The following MBD1 variants were observed in gnomAD, a reference collection of about 807,000 sequenced individuals.
MBD1 encodes the protein methyl-CpG-binding domain protein 1.
A neutral mutation model predicts 82.6 loss-of-function variants in MBD1; 25 were observed. The ratio of observed to expected loss-of-function variants is 0.30; its 90% CI spans 0.22 to 0.42. The LOEUF is 0.42. Ranked by LOEUF, MBD1 falls within the 10% of genes least tolerant of loss-of-function variation. The probability of loss-of-function intolerance (pLI) is 1.00; values close to 1 mark genes in which losing one functional copy is unlikely to be tolerated. For missense variants in MBD1, 627 were observed against 819.6 expected, an observed-to-expected ratio of 0.76 and a Z score of 2.87; for synonymous variants, 301 against 303.7, an observed-to-expected ratio of 0.99 and a Z score of 0.09.
rs1399914407 is a variant in MBD1, at chr18:50,269,698, G to A, written c.*153C>T. The A allele has an allele frequency of 5.1e-6, 4 of 779,828 alleles. No homozygotes were observed. Among genetic ancestry groups the A allele is most frequent in the Non-Finnish European group, 9.6e-6 (4 of 417,564 alleles). The allele number at this position is 779,828 out of a possible 1,614,324, so 48.3% of individuals were successfully genotyped here. On this transcript the variant is annotated 3_prime_UTR_variant, in exon 17 of 17. Transcript: ENST00000269468. Reference sequence around the variant, plus strand: ...ACATCATCGAAGCTGGAGGTGGTGAGAGACTGACATGGGTTCCAGGCCATC... The same window carrying A: ...ACATCATCGAAGCTGGAGGTGGTGAAAGACTGACATGGGTTCCAGGCCATC...
At chr18:50,271,636 TC>T in intron 15 of MBD1, 96 bp from the exon 16 acceptor site, 1 of 1,268,856 alleles carries the variant, frequency 7.9e-7, no homozygotes, top group Non-Finnish European at 1.2e-6. Context: ...GTGTCCTCCA[TC>T]CACTTCCCCT....
chr18:50,279,933 G>C lies in MBD1; in HGVS notation c.60C>G (p.Val20=). 2 of 1,613,666 alleles carry C rather than the reference G, an allele frequency of 1.2e-6. No homozygotes were observed. Among genetic ancestry groups the C allele is most frequent in the Non-Finnish European group, 1.7e-6 (2 of 1,180,024 alleles). Residue 20 remains valine (V), a synonymous_variant, in exon 2 of 17, where the codon GTC becomes GTG. Transcript: ENST00000269468. ...ALGPGWKRRE[V]FRKSGATCGR... is the part of the protein sequence containing the mutation. ...CACAGGTGGCCCCTGACTTGCGAAA[G>C]ACTTCGCGGCGCTTCCAGCCAGGGC...
chr18:50,273,154 C>A lies in MBD1; in HGVS notation c.1584+180G>T. 2 of 1,212,182 alleles carry A rather than the reference C, an allele frequency of 1.6e-6. 1 individual carries two copies. Among genetic ancestry groups the A allele is most frequent in the Middle Eastern group, 5.3e-4 (2 of 3,748 alleles). 75.1% of individuals were successfully genotyped at this position (1,212,182 alleles called of 1,614,324 possible). ...TTTTTCTGTTAGCTGGATAGCAAAG[C>A]GGGCAAAGCTAGTTGCCTGTGGGAG... On this transcript the variant is annotated intron_variant, in intron 13 of 16. Transcript: ENST00000269468.
chr18:50,273,925 C>T (rs2036683484), intron 11 of MBD1, 62 bp from the exon 12 acceptor site: 1 of 1,586,102 alleles, frequency 6.3e-7, no homozygotes, highest in Non-Finnish European at 8.6e-7. Flanking sequence ...TCCACCCTGC[C>T]CGGCTCCACA....
intron 16 of MBD1, chr18:50,270,628 G>T (rs1412489813): frequency 3.2e-6 from 1 of 311,866 alleles, no homozygotes; most frequent in Non-Finnish European, 6.4e-6. Flanking sequence ...GATATATCCT[G>T]TAGGGTTTGA....
In MBD1 at chr18:50,276,001, C is replaced by T. The variant is rs757094387; in HGVS notation, c.517-20G>A. ...CACACGCTGCCAGGAATGGTAGGGACGAGATCACGGGCCTGCTCCAGAAGC... is the reference window on the plus strand; with the variant it reads ...CACACGCTGCCAGGAATGGTAGGGATGAGATCACGGGCCTGCTCCAGAAGC... On this transcript the variant is annotated intron_variant, in intron 6 of 16. Coordinates refer to ENST00000269468, the MANE Select transcript of MBD1 (RefSeq NM_015846.4). 8 of 1,607,742 alleles carry T rather than the reference C, an allele frequency of 5.0e-6. No individual in the cohort carries two copies. Among genetic ancestry groups the T allele is most frequent in the African/African-American group, 1.3e-5 (1 of 74,856 alleles).
At chr18:50,280,300 A>G (rs1003320523) in intron 1 of MBD1, among the ~76,000 whole-genome samples, 3 of 151,322 alleles carry the variant, frequency 2.0e-5, no homozygotes, top group Non-Finnish European at 4.4e-5. Context: ...ACAACCCATC[A>G]TTTCTCCTCA....
At position 50,273,703 on chromosome 18, in the gene MBD1, T is replaced by C; in HGVS notation, c.1307A>G (p.Gln436Arg). The C allele has an allele frequency of 1.2e-6, 2 of 1,614,152 alleles. No individual in the cohort carries two copies. Among genetic ancestry groups the C allele is most frequent in the Non-Finnish European group, 1.7e-6 (2 of 1,180,036 alleles). Residue 436 changes from glutamine to arginine, a missense_variant, in exon 12 of 17, where the codon CAG (glutamine) becomes CGG (arginine). By Grantham distance (43) the Gln-to-Arg change is conservative. Coordinates refer to ENST00000269468, the MANE Select transcript of MBD1 (RefSeq NM_015846.4). ...ATRTAQPDHTQAPTKQEAGGG... is the reference protein window; with the variant it reads ...ATRTAQPDHTRAPTKQEAGGG... ...ACCTGCTTCCTGCTTCGTTGGAGCC[T>C]GGGTATGGTCTGGTTGGGCTGTGCG...
intron 2 of MBD1, 119 bp from the exon 3 acceptor site, chr18:50,277,323 GC>G (rs2148360756): frequency 1.7e-6 from 1 of 604,754 alleles, no homozygotes; most frequent in Non-Finnish European, 2.8e-6. Context: ...TGTGAGCCCT[GC>G]CCAGCCCCCA....
At chr18:50,268,395 G>A (rs557025102), downstream of MBD1, among the ~76,000 whole-genome samples, 179 of 152,338 alleles carry the variant, frequency 1.2e-3, no homozygotes, top group African/African-American at 4.1e-3. Context: ...CCTCACCCTG[G>A]GCGAGCTCCG....
downstream of MBD1, among the ~76,000 whole-genome samples, chr18:50,268,362 C>A (rs1351471257): frequency 6.6e-6 from 1 of 152,274 alleles, no homozygotes; most frequent in Non-Finnish European, 1.5e-5. Flanking sequence ...CGCACTCGAA[C>A]GTCCTAGGTC....
rs776480862 is a variant in MBD1 at position 50,272,805 on chromosome 18, G to C, written c.1716+19C>G. 3 of 1,614,078 alleles carry C rather than the reference G, an allele frequency of 1.9e-6. No homozygotes were observed. The highest frequency in any genetic ancestry group is 2.2e-5 in the East Asian group (1 of 44,898). On this transcript the variant is annotated intron_variant, in intron 14 of 16. Transcript: ENST00000269468. ...GCTACAGCAGGGTCAGGGCAGGGTGGGGCATCCCCAGCACTGACCACGGGT... is the reference window on the plus strand; with the variant it reads ...GCTACAGCAGGGTCAGGGCAGGGTGCGGCATCCCCAGCACTGACCACGGGT...
At chr18:50,270,081 G>GAAC in intron 16 of MBD1, 4 of 1,598,046 alleles carry the variant, frequency 2.5e-6, no homozygotes, top group Non-Finnish European at 3.4e-6. Flanking sequence ...TTGGGTGGTT[G>GAAC]GTTCCTGGGG....
intron 15 of MBD1, 45 bp from the exon 16 acceptor site, chr18:50,271,585 T>C (rs2035555330): frequency 6.2e-7 from 1 of 1,609,470 alleles, no homozygotes; most frequent in Non-Finnish European, 8.5e-7. Context: ...AGGTTTGCTA[T>C]GTGCGCAATG....
At chr18:50,281,535 T>C (rs111396870), upstream of MBD1, 6 of 576,012 alleles carry the variant, frequency 1.0e-5, no homozygotes, top group Non-Finnish European at 1.8e-5. Context: ...GAACCGGAAG[T>C]CCGCTGCCTG....
intron 2 of MBD1, among the ~76,000 whole-genome samples, chr18:50,277,967 C>T (rs1462583460): frequency 6.6e-6 from 1 of 152,188 alleles, no homozygotes; most frequent in African/African-American, 2.4e-5. Context: ...AATAGTAATA[C>T]AGTAATTCCC....
At chr18:50,279,042 G>A (rs1011415327) in intron 2 of MBD1, among the ~76,000 whole-genome samples, 1 of 152,070 alleles carries the variant, frequency 6.6e-6, no homozygotes, top group Non-Finnish European at 1.5e-5. Flanking sequence ...AAAATTCTTC[G>A]GAAGACTCCT....
intron 15 of MBD1, 25 bp downstream of exon 15, chr18:50,272,652 C>A: frequency 6.2e-7 from 1 of 1,613,962 alleles, no homozygotes; most frequent in South Asian, 1.1e-5. Context: ...CACTCCTTCC[C>A]CACCCCTCAC....
In MBD1 at chr18:50,269,131, C is replaced by G; in HGVS notation, c.*720G>C. 2.9e-6 allele frequency: 3 copies of G among 1,036,122 alleles called. No homozygotes were observed. Among genetic ancestry groups the G allele is most frequent in the Non-Finnish European group, 3.5e-6 (3 of 860,564 alleles). The allele number at this position is 1,036,122 out of a possible 1,614,324, so 64.2% of individuals were successfully genotyped here. ...TACAGTGCCTACCACAGGCCAGGTT[C>G]TCAATACTTGAATAAATGACACAAA... On this transcript the variant is annotated 3_prime_UTR_variant, in exon 17 of 17. Coordinates refer to ENST00000269468, the MANE Select transcript of MBD1 (RefSeq NM_015846.4).
Sources: gnomAD v4.1 joint callset for allele counts (sites outside exome capture counted in the v4.1 genomes callset) on GRCh38, gnomAD v4.1.1 for gene constraint, MANE v1.5 for transcripts, NCBI Gene and HGNC (gene_info 2026-07-23, HGNC 2026-07-21) for gene names.